Variants in ANKRD6 observed in about 807,000 individuals in gnomAD.
ANKRD6 encodes ankyrin repeat domain 6.
A neutral mutation model predicts 82.3 loss-of-function variants in ANKRD6; 56 were observed. That is an observed-to-expected ratio of 0.68 (90% CI 0.55 to 0.85). The LOEUF is 0.85. ANKRD6 is among the 40% of genes least tolerant of loss of function. The probability of loss-of-function intolerance (pLI) is 0.00; values close to 1 mark genes in which losing one functional copy is unlikely to be tolerated. For synonymous variants in ANKRD6, 347 were observed against 352.1 expected (o/e 0.99, Z 0.16); for missense variants, 852 against 907.6 (o/e 0.94, Z 0.79).
At chr6:89,608,699 T>G (rs1454914601) in intron 5 of ANKRD6, among the ~76,000 whole-genome samples, 1 of 152,128 alleles carries the variant, frequency 6.6e-6, no homozygotes, top group Admixed American at 6.6e-5. Context: ...AAGCCATGCC[T>G]TCGTCATTTT....
intron 7 of ANKRD6, among the ~76,000 whole-genome samples, chr6:89,614,234 G>A (rs1007009622): frequency 2.6e-5 from 4 of 152,180 alleles, no homozygotes; most frequent in Admixed American, 2.0e-4. Context: ...AAGGGAGGCC[G>A]GGTGCAGTGG....
At chr6:89,532,050 G>A (rs1455326024) in intron 1 of ANKRD6, among the ~76,000 whole-genome samples, 1 of 152,138 alleles carries the variant, frequency 6.6e-6, no homozygotes. Flanking sequence ...TCAGTCTGCT[G>A]GTAAATTATC....
chr6:89,563,947 G>C (rs1450612240), intron 1 of ANKRD6, among the ~76,000 whole-genome samples: 1 of 152,172 alleles, frequency 6.6e-6, no homozygotes, highest in Non-Finnish European at 1.5e-5. Context: ...ACCCAAGGCT[G>C]AAGGTGCAGG....
At position 89,632,941 on chromosome 6, in the gene ANKRD6, C is replaced by CACTT. The variant is rs1368637950; in HGVS notation, c.*1940_*1943dup. On this transcript the variant is annotated 3_prime_UTR_variant, in exon 16 of 16. Transcript: ENST00000339746. ...CTGTGTTCCAAGCAGGAATTATTTTCACTTACCAAAATATCTCCTATTACC... is the reference window on the plus strand; with the variant it reads ...CTGTGTTCCAAGCAGGAATTATTTTCACTTACTTACCAAAATATCTCCTATTACC... 6.6e-6 allele frequency: 1 copy of CACTT among 152,178 alleles called. No individual in the cohort carries two copies. The highest frequency in any genetic ancestry group is 1.5e-5 in the Non-Finnish European group (1 of 68,026). The allele number at this position is 152,178 out of a possible 1,614,324, so 9.4% of individuals were successfully genotyped here.
intron 1 of ANKRD6, among the ~76,000 whole-genome samples, chr6:89,557,173 A>G (rs60251680): frequency 5.6e-4 from 86 of 152,290 alleles, no homozygotes; most frequent in African/African-American, 2.0e-3. Flanking sequence ...GGGACATCCA[A>G]GGAAGATGTC....
intron 1 of ANKRD6, among the ~76,000 whole-genome samples, chr6:89,457,443 C>T (rs1238090700): frequency 6.6e-6 from 1 of 152,180 alleles, no homozygotes; most frequent in Non-Finnish European, 1.5e-5. Context: ...ACGTGCATGT[C>T]ATCAAAATTA....
chr6:89,606,804 C>T (rs984012691), intron 5 of ANKRD6, among the ~76,000 whole-genome samples: 1 of 145,706 alleles, frequency 6.9e-6, no homozygotes, highest in South Asian at 2.1e-4. Flanking sequence ...TACAGTGAGC[C>T]AAGATTGCAC....
chr6:89,439,602 T>A (rs1290977456), intron 1 of ANKRD6, among the ~76,000 whole-genome samples: 1 of 152,216 alleles, frequency 6.6e-6, no homozygotes, highest in Admixed American at 6.5e-5. Context: ...CTAGTAATGC[T>A]TCAGCGTCAT....
At chr6:89,449,513 A>G (rs968271333) in intron 1 of ANKRD6, among the ~76,000 whole-genome samples, 1 of 152,222 alleles carries the variant, frequency 6.6e-6, no homozygotes, top group Non-Finnish European at 1.5e-5. Flanking sequence ...GGGAAGGCTC[A>G]TGTTTGCATG....
At chr6:89,552,981 G>GT (rs1217723017) in intron 1 of ANKRD6, among the ~76,000 whole-genome samples, 2 of 152,162 alleles carry the variant, frequency 1.3e-5, no homozygotes, top group Non-Finnish European at 2.9e-5. Context: ...TAGTACCGGT[G>GT]TTTCCAGACC....
chr6:89,497,193 G>A (rs1031006161), intron 1 of ANKRD6, among the ~76,000 whole-genome samples: 1 of 152,138 alleles, frequency 6.6e-6, no homozygotes, highest in African/African-American at 2.4e-5. Flanking sequence ...CAAAAACCAG[G>A]TTTCCATTCA....
chr6:89,513,180 A>G (rs1159003491), intron 1 of ANKRD6, among the ~76,000 whole-genome samples: 1 of 152,228 alleles, frequency 6.6e-6, no homozygotes, highest in Non-Finnish European at 1.5e-5. Flanking sequence ...CTGGGATTAC[A>G]GGCATGAACC....
chr6:89,551,589 G>A (rs1308449609), intron 1 of ANKRD6, among the ~76,000 whole-genome samples: 1 of 152,196 alleles, frequency 6.6e-6, no homozygotes, highest in Non-Finnish European at 1.5e-5. Context: ...GCCCAAGAGA[G>A]AAAGCTCCAT....
chr6:89,513,820 A>G (rs1389650532), intron 1 of ANKRD6, among the ~76,000 whole-genome samples: 2 of 152,252 alleles, frequency 1.3e-5, no homozygotes, highest in Non-Finnish European at 2.9e-5. Flanking sequence ...AGCAAAGTGA[A>G]GAACAAGGCA....
At chr6:89,596,411 T>C (rs957327594) in intron 3 of ANKRD6, among the ~76,000 whole-genome samples, 1 of 152,162 alleles carries the variant, frequency 6.6e-6, no homozygotes, top group East Asian at 1.9e-4. Context: ...AAATTTACCA[T>C]TGGAGAAAAA....
At chr6:89,464,639 C>G (rs1774610645) in intron 1 of ANKRD6, among the ~76,000 whole-genome samples, 1 of 152,214 alleles carries the variant, frequency 6.6e-6, no homozygotes, top group Non-Finnish European at 1.5e-5. Flanking sequence ...TTGCTTTCAT[C>G]TAAACTACCT....
At chr6:89,490,509 C>T (rs1490822431) in intron 1 of ANKRD6, among the ~76,000 whole-genome samples, 2 of 152,206 alleles carry the variant, frequency 1.3e-5, no homozygotes, top group African/African-American at 4.8e-5. Context: ...GTGGGGGATA[C>T]AAAGATGAGT....
chr6:89,567,315 G>A (rs1439562449), intron 2 of ANKRD6, among the ~76,000 whole-genome samples: 3 of 152,180 alleles, frequency 2.0e-5, no homozygotes, highest in Non-Finnish European at 2.9e-5. Context: ...TTAAAATCAC[G>A]GTGGCTTTTC....
intron 2 of ANKRD6, among the ~76,000 whole-genome samples, chr6:89,583,878 G>A (rs1793146722): frequency 6.6e-6 from 1 of 152,206 alleles, no homozygotes; most frequent in South Asian, 2.1e-4. Context: ...CTCTAGGTAG[G>A]CTTGGTGGGA....
Sources: allele counts gnomAD v4.1 joint callset (sites outside exome capture counted in the v4.1 genomes callset), GRCh38; gene constraint gnomAD v4.1.1; transcripts MANE v1.5; gene names NCBI Gene and HGNC (gene_info 2026-07-23, HGNC 2026-07-21).